Variants in FAM217B observed in about 807,000 individuals in gnomAD.
The protein encoded by FAM217B is family with sequence similarity 217 member B, also known as protein FAM217B.
For synonymous variants in FAM217B, 163 were observed against 173.0 expected, an observed-to-expected ratio of 0.94 and a Z score of 0.45; for missense variants, 463 against 456.9, an observed-to-expected ratio of 1.01 and a Z score of -0.12.
In FAM217B at chr20:59,944,648, A is replaced by C; in HGVS notation, c.705A>C (p.Leu235=). ...TTGCTAGTGCTCTGTCCAAGCCACTACCTCACCAGGAAGGGGCTTCAAAGT... is the reference window on the plus strand; with the variant it reads ...TTGCTAGTGCTCTGTCCAAGCCACTCCCTCACCAGGAAGGGGCTTCAAAGT... ...KLIASALSKP[L]PHQEGASKSG... The change falls in exon 4 of 4, where the codon CTA becomes CTC. Residue 235 remains leucine, a synonymous_variant. Coordinates refer to ENST00000360816, the MANE Select transcript of FAM217B (RefSeq NM_022106.3). 1 of 1,614,072 alleles carries C rather than the reference A, an allele frequency of 6.2e-7. No homozygotes were observed. The highest frequency in any genetic ancestry group is 8.5e-7 in the Non-Finnish European group (1 of 1,180,000).
upstream of FAM217B, chr20:59,937,073 C>T (rs2060866994): frequency 1.3e-5 from 2 of 152,520 alleles, no homozygotes; most frequent in Admixed American, 6.5e-5. Flanking sequence ...TTAAAAGGCA[C>T]GGGAGGTTCA....
At chr20:59,939,522 A>ACAGCAC (rs2060885120), upstream of FAM217B, 6 of 1,611,874 alleles carry the variant, frequency 3.7e-6, no homozygotes, top group African/African-American at 8.0e-5. Flanking sequence ...GTCCGAGTTG[A>ACAGCAC]TTGCGAGCCG....
At chr20:59,939,728 G>T, upstream of FAM217B, 2 of 1,258,010 alleles carry the variant, frequency 1.6e-6, no homozygotes, top group Non-Finnish European at 2.0e-6. Flanking sequence ...CCCGCCGCAG[G>T]ATGATGGGCC....
rs773626985 is a variant in FAM217B at position 59,944,124 on chromosome 20, A to T, written c.181A>T (p.Asn61Tyr). The T allele has an allele frequency of 1.2e-6, 2 of 1,614,138 alleles. No individual in the cohort carries two copies. The highest frequency in any genetic ancestry group is 3.3e-5 in the Admixed American group (2 of 60,018). ...SISPEARRKRNPLGSRCQGAS... is the reference protein window; with the variant it reads ...SISPEARRKRYPLGSRCQGAS... ...TTCCCCGGAAGCAAGACGCAAAAGGAATCCACTCGGTTCCAGGTGTCAGGG... is the reference window on the plus strand; with the variant it reads ...TTCCCCGGAAGCAAGACGCAAAAGGTATCCACTCGGTTCCAGGTGTCAGGG... The change falls in exon 4 of 4, where the codon AAT becomes TAT. Residue 61 changes from asparagine to tyrosine, a missense_variant. Physicochemically the swap from Asn to Tyr is moderately radical, Grantham distance 143. Transcript: ENST00000360816.
chr20:59,939,577 A>T, upstream of FAM217B: 1 of 1,610,516 alleles, frequency 6.2e-7, no homozygotes, highest in Non-Finnish European at 8.5e-7. Flanking sequence ...CCCGCGTTGA[A>T]CACCTTGACC....
chr20:59,938,652 A>T (rs779797867), upstream of FAM217B: 78 of 171,630 alleles, frequency 4.5e-4, no homozygotes, highest in Non-Finnish European at 7.5e-4. Flanking sequence ...ACAATAATAA[A>T]TAACAGCTAT....
upstream of FAM217B, chr20:59,937,595 C>G (rs1487702046): frequency 2.0e-5 from 3 of 151,850 alleles, no homozygotes; most frequent in Non-Finnish European, 2.9e-5. Flanking sequence ...TGACAGGTAG[C>G]ATAAAATTGA....
At chr20:59,940,016 C>A, upstream of FAM217B, 1 of 1,140,614 alleles carries the variant, frequency 8.8e-7, no homozygotes, top group Non-Finnish European at 1.1e-6. Flanking sequence ...TCAGAAGCCG[C>A]AGAGAGTCCA....
chr20:59,939,249 C>A (rs1355767822), upstream of FAM217B: 1 of 1,611,692 alleles, frequency 6.2e-7, no homozygotes, highest in South Asian at 1.1e-5. Flanking sequence ...GCCCTCGGGG[C>A]CTGCGGGCCC....
At chr20:59,939,139 C>A, upstream of FAM217B, 1 of 1,603,494 alleles carries the variant, frequency 6.2e-7, no homozygotes, top group Non-Finnish European at 8.5e-7. Flanking sequence ...TCCCAGTACT[C>A]GGCACCCGCC....
chr20:59,939,519 T>G, upstream of FAM217B: 1 of 1,612,010 alleles, frequency 6.2e-7, no homozygotes, highest in Non-Finnish European at 8.5e-7. Context: ...CAGGTCCGAG[T>G]TGATTGCGAG....
At chr20:59,934,122 G>A (rs2060835216) in intron 1 of FAM217B, among the ~76,000 whole-genome samples, 1 of 152,144 alleles carries the variant, frequency 6.6e-6, no homozygotes, top group Admixed American at 6.5e-5. Flanking sequence ...TGGACCGGGG[G>A]ACCAGGGCGC....
rs769742580 is a variant in FAM217B at position 59,944,364 on chromosome 20, T to C, written c.421T>C (p.Tyr141His). The change falls in exon 4 of 4, where the codon TAT becomes CAT. Residue 141 changes from tyrosine (Y) to histidine (H), a missense_variant. Physicochemically the swap from Tyr to His is moderately conservative, Grantham distance 83. Coordinates refer to ENST00000360816, the MANE Select transcript of FAM217B (RefSeq NM_022106.3). ...PGQGHTKPEY[Y>H]YPNFLPSPFS... ...TCAGGGCCATACAAAACCTGAATAC[T>C]ATTATCCTAATTTCCTTCCATCCCC... 9.9e-6 allele frequency: 16 copies of C among 1,614,156 alleles called. No homozygotes were observed. The South Asian group carries it at 1.8e-4, about 18-fold the overall frequency.
In FAM217B at chr20:59,943,857, A is replaced by G. The variant is rs537043173; in HGVS notation, c.-4-83A>G. On this transcript the variant is annotated intron_variant, in intron 3 of 3. Transcript: ENST00000360816. ...AGCTGAGACAAAAAAAAGTACAACTAGAAGATTCTTTTTGTTTGTTTAATT... is the reference window on the plus strand; with the variant it reads ...AGCTGAGACAAAAAAAAGTACAACTGGAAGATTCTTTTTGTTTGTTTAATT... 319 of 1,190,438 alleles carry G rather than the reference A, an allele frequency of 2.7e-4. No homozygotes were observed. The African/African-American group carries it at 3.8e-3, about 14-fold the overall frequency. 73.7% of individuals were successfully genotyped at this position (1,190,438 alleles called of 1,614,324 possible).
At chr20:59,942,677 G>A (rs762111889) in intron 3 of FAM217B, among the ~76,000 whole-genome samples, 165 bp downstream of exon 3, 18 of 152,246 alleles carry the variant, frequency 1.2e-4, no homozygotes, top group Admixed American at 9.1e-4. Flanking sequence ...AAGCATAATA[G>A]TGGATAAGGA....
chr20:59,945,130 T>G lies in FAM217B; in HGVS notation c.*35T>G. 8.2e-4 allele frequency: 1,079 copies of G among 1,317,550 alleles called. No homozygotes were observed. Among genetic ancestry groups the G allele is most frequent in the Non-Finnish European group, 1.0e-3 (976 of 962,502 alleles). 81.6% of individuals were successfully genotyped at this position (1,317,550 alleles called of 1,614,324 possible). The stretch of plus-strand genomic sequence containing the variant: ...ATGCTGAATTGCCAAGACCTGCAGG[T>G]ACCTCAATGTTAGAGCGCTTCCAAA... On this transcript the variant is annotated 3_prime_UTR_variant, in exon 4 of 4. Coordinates refer to ENST00000360816, the MANE Select transcript of FAM217B (RefSeq NM_022106.3).
chr20:59,936,013 G>T (rs1243267287), upstream of FAM217B, among the ~76,000 whole-genome samples: 1 of 152,148 alleles, frequency 6.6e-6, no homozygotes, highest in African/African-American at 2.4e-5. Flanking sequence ...TTTTGTTATT[G>T]TGTGAATATC....
At chr20:59,939,119 G>A (rs773353751), upstream of FAM217B, 3 of 1,605,230 alleles carry the variant, frequency 1.9e-6, no homozygotes, top group Admixed American at 1.7e-5. Flanking sequence ...AGTCTCGGTG[G>A]TCGTTGTTGT....
At chr20:59,939,155 G>C, upstream of FAM217B, 1 of 1,611,756 alleles carries the variant, frequency 6.2e-7, no homozygotes, top group Non-Finnish European at 8.5e-7. Context: ...CCGCCACTTG[G>C]TAGCGCACCG....
Sources: gnomAD v4.1 joint callset for allele counts (sites outside exome capture counted in the v4.1 genomes callset) on GRCh38, gnomAD v4.1.1 for gene constraint, MANE v1.5 for transcripts, NCBI Gene and HGNC (gene_info 2026-07-23, HGNC 2026-07-21) for gene names.